ZNF215: variants seen among roughly 807,000 people sequenced by gnomAD.
ZNF215 encodes zinc finger protein 215.
Under a neutral mutation model 27.2 loss-of-function variants are expected in ZNF215, and 24 were observed. That is an observed-to-expected ratio of 0.88 (90% CI 0.64 to 1.24). The LOEUF (loss-of-function observed/expected upper bound fraction) is 1.24. ZNF215 is among the 50% of genes most tolerant of loss of function. The probability of loss-of-function intolerance (pLI) is 0.00; values close to 1 mark genes in which losing one functional copy is unlikely to be tolerated. For missense variants in ZNF215, 675 were observed against 605.7 expected, an observed-to-expected ratio of 1.11 and a Z score of -1.20; for synonymous variants, 210 against 204.0, an observed-to-expected ratio of 1.03 and a Z score of -0.25.
At chr11:6,966,529 G>A (rs558766725) in intron 5 of ZNF215, among the ~76,000 whole-genome samples, 1 of 151,924 alleles carries the variant, frequency 6.6e-6, no homozygotes, top group Admixed American at 6.6e-5. Context: ...CATCTAAGTT[G>A]TGGAATCTAT....
rs1356955813 is a variant in ZNF215 at position 6,956,153 on chromosome 11, A to G, written c.1176A>G (p.Ser392=). The G allele has an allele frequency of 1.2e-6, 2 of 1,613,826 alleles. No individual in the cohort carries two copies. The highest frequency in any genetic ancestry group is 1.6e-4 in the Middle Eastern group (1 of 6,062). Residue 392 remains serine, a synonymous_variant, in exon 7 of 7, where the codon TCA becomes TCG. Coordinates refer to ENST00000278319, the MANE Select transcript of ZNF215 (RefSeq NM_013250.4). The stretch of plus-strand genomic sequence containing the variant: ...GTGGGAAAGCCTTCTGCCGAAGTTC[A>G]TCCCTTATTCGACATCAGATCATTC... The part of the protein sequence containing the change: ...YQCGKAFCRS[S]SLIRHQIIHT...
At position 6,932,284 on chromosome 11, in the gene ZNF215, G is replaced by A; in HGVS notation, c.12G>A (p.Leu4=). The A allele has an allele frequency of 6.2e-7, 1 of 1,613,736 alleles. No homozygotes were observed. Among genetic ancestry groups the A allele is most frequent in the African/African-American group, 1.3e-5 (1 of 74,956 alleles). Residue 4 remains leucine (L), a synonymous_variant, in exon 3 of 7, where the codon CTG becomes CTA. Coordinates refer to ENST00000278319, the MANE Select transcript of ZNF215 (RefSeq NM_013250.4). ...TTCTATTTAGGAAGATGCAGCCTCT[G>A]AGCAAGTTGATGGCTATCTCAAAAC... MQP[L]SKLMAISKPR...
downstream of ZNF215, among the ~76,000 whole-genome samples, chr11:6,985,540 C>G (rs988721235): frequency 6.6e-6 from 1 of 152,100 alleles, no homozygotes; most frequent in Non-Finnish European, 1.5e-5. Flanking sequence ...GAAGTCCTAG[C>G]TGAAACAATC....
chr11:6,938,748 A>T (rs1849527472), intron 3 of ZNF215, among the ~76,000 whole-genome samples: 1 of 152,136 alleles, frequency 6.6e-6, no homozygotes, highest in African/African-American at 2.4e-5. Context: ...TGTGTATGAG[A>T]GTGACTCCTA....
chr11:6,981,292 G>A (rs1850946771), intron 5 of ZNF215, among the ~76,000 whole-genome samples: 1 of 149,130 alleles, frequency 6.7e-6, no homozygotes, highest in Non-Finnish European at 1.5e-5. Flanking sequence ...ACTTTTTAAT[G>A]ATTGCCATTC....
intron 3 of ZNF215, among the ~76,000 whole-genome samples, chr11:6,941,328 C>T (rs1253817141): frequency 6.6e-6 from 1 of 152,088 alleles, no homozygotes; most frequent in Non-Finnish European, 1.5e-5. Flanking sequence ...ATTATTTTGT[C>T]CCTCTTTCTG....
At chr11:6,929,676 G>A (rs141864958) in intron 2 of ZNF215, among the ~76,000 whole-genome samples, 40 of 152,274 alleles carry the variant, frequency 2.6e-4, no homozygotes, top group African/African-American at 8.7e-4. Flanking sequence ...TTGTCTCGAG[G>A]CTACATACTG....
intron 5 of ZNF215, among the ~76,000 whole-genome samples, chr11:6,981,815 C>T (rs1164565020): frequency 6.6e-6 from 1 of 151,950 alleles, no homozygotes; most frequent in Non-Finnish European, 1.5e-5. Flanking sequence ...CCAGTTTCAG[C>T]TTTCTACATA....
chr11:6,932,620 T>C lies in ZNF215; in HGVS notation c.348T>C (p.Ser116=). Residue 116 remains serine, a synonymous_variant, in exon 3 of 7, where the codon AGT becomes AGC. Transcript: ENST00000278319. The stretch of plus-strand genomic sequence containing the variant: ...TGAATTTACAACATCCAAACAACAG[T>C]AAAGATATGGTGACCCTCATAGAAG... ...TWVNLQHPNN[S]KDMVTLIEDV... 6.2e-7 allele frequency: 1 copy of C among 1,614,082 alleles called. No homozygotes were observed. Among genetic ancestry groups the C allele is most frequent in the Non-Finnish European group, 8.5e-7 (1 of 1,179,974 alleles).
At chr11:6,986,297 A>G (rs1386295303), downstream of ZNF215, among the ~76,000 whole-genome samples, 1 of 152,192 alleles carries the variant, frequency 6.6e-6, no homozygotes, top group Non-Finnish European at 1.5e-5. Flanking sequence ...CCTATTCAAT[A>G]AATGATGCTG....
chr11:6,988,188 A>T, downstream of ZNF215: 9 of 985,380 alleles, frequency 9.1e-6, no homozygotes, highest in South Asian at 3.8e-4. Context: ...TATACCCATG[A>T]CTTATACCTT....
rs1313337187 is a variant in ZNF215, at chr11:6,956,510, G to A, written c.1533G>A (p.Leu511=). 1 of 1,596,384 alleles carries A rather than the reference G, an allele frequency of 6.3e-7. No homozygotes were observed. The highest frequency in any genetic ancestry group is 1.4e-5 in the African/African-American group (1 of 73,730). Residue 511 remains leucine, a synonymous_variant, in exon 7 of 7, where the codon CTG becomes CTA. Coordinates refer to ENST00000278319, the MANE Select transcript of ZNF215 (RefSeq NM_013250.4). ...RSSNLVKHQK[L]HTRDKS ...CAAACCTTGTTAAACATCAAAAACT[G>A]CATACTCGAGATAAGTCCTGAAAAA...
At position 6,951,411 on chromosome 11, in the gene ZNF215, G is replaced by A. The variant is rs559817842; in HGVS notation, c.713-4279G>A. Reference sequence around the variant, plus strand: ...TATTGATTGTTGCCATAATTTCAGAGCCTGTTATTGGTCTGTTCAGAGATT... The same window carrying A: ...TATTGATTGTTGCCATAATTTCAGAACCTGTTATTGGTCTGTTCAGAGATT... On this transcript the variant is annotated intron_variant, in intron 6 of 6. Transcript: ENST00000278319. 3.5e-4 allele frequency among the ~76,000 whole-genome samples: 53 copies of A among 152,286 alleles called. No individual in the cohort carries two copies. In the Middle Eastern group the frequency reaches 0.01, roughly 29 times the overall value.
At chr11:6,964,684 C>CTT (rs71056773) in intron 5 of ZNF215, among the ~76,000 whole-genome samples, 46 of 142,212 alleles carry the variant, frequency 3.2e-4, no homozygotes, top group East Asian at 1.0e-3. Context: ...CTTCTTAGGT[C>CTT]TTTTTTTTTT....
At chr11:6,948,452 G>A (rs1375402304) in intron 6 of ZNF215, among the ~76,000 whole-genome samples, 2 of 146,684 alleles carry the variant, frequency 1.4e-5, no homozygotes, top group Non-Finnish European at 3.0e-5. Flanking sequence ...TATGGGAGAC[G>A]AAGGACAATG....
At chr11:6,980,816 G>A (rs1850936211) in intron 5 of ZNF215, among the ~76,000 whole-genome samples, 1 of 138,228 alleles carries the variant, frequency 7.2e-6, no homozygotes, top group South Asian at 2.3e-4. Flanking sequence ...GTGTCCATGT[G>A]TTCTCATTGT....
At chr11:6,947,254 G>A (rs933989397) in intron 6 of ZNF215, among the ~76,000 whole-genome samples, 1 of 152,120 alleles carries the variant, frequency 6.6e-6, no homozygotes, top group Non-Finnish European at 1.5e-5. Context: ...TTCTCAAATA[G>A]TTAATGGATT....
At chr11:6,987,818 C>T (rs1851076361), downstream of ZNF215, among the ~76,000 whole-genome samples, 1 of 152,170 alleles carries the variant, frequency 6.6e-6, no homozygotes. Context: ...TTTCAAATTG[C>T]ACCCCACTAA....
downstream of ZNF215, among the ~76,000 whole-genome samples, chr11:6,958,345 A>G (rs1052299174): frequency 6.6e-6 from 1 of 152,204 alleles, no homozygotes; most frequent in African/African-American, 2.4e-5. Context: ...TTCACTCTTT[A>G]TCTTTTCTTT....
Sources: gnomAD v4.1 joint callset for allele counts (sites outside exome capture counted in the v4.1 genomes callset) on GRCh38, gnomAD v4.1.1 for gene constraint, MANE v1.5 for transcripts, NCBI Gene and HGNC (gene_info 2026-07-23, HGNC 2026-07-21) for gene names.